Variants in BIK observed in about 807,000 individuals in gnomAD.
BIK encodes the protein bcl-2-interacting killer.
In BIK, 14 loss-of-function variants were observed where a neutral mutation model predicts 12.1. The ratio of observed to expected loss-of-function variants is 1.16; its 90% CI spans 0.77 to 1.81. The LOEUF is 1.81. BIK is among the 40% of genes most tolerant of loss of function. The pLI is 0.00. For synonymous variants in BIK, 86 were observed against 92.3 expected (o/e 0.93, Z 0.39); for missense variants, 215 against 207.9 (o/e 1.03, Z -0.21).
intron 3 of BIK, 28 bp downstream of exon 3, chr22:43,127,823 C>T (rs1054247156): frequency 1.8e-5 from 28 of 1,535,044 alleles, no homozygotes; most frequent in Non-Finnish European, 2.4e-5. Context: ...TATGCCTCTA[C>T]ACCTGGGGAG....
rs376475431 is a variant in BIK at position 43,123,608 on chromosome 22, GCCAGGCATAGCTCATGCCTGTAGTC to G, written c.-7-403_-7-379del. Among the ~76,000 whole-genome samples, 147 of 152,182 alleles carry G rather than the reference GCCAGGCATAGCTCATGCCTGTAGTC, an allele frequency of 9.7e-4. No individual in the cohort carries two copies. In the East Asian group the frequency reaches 0.025, roughly 26 times the overall value. ...CTTTACTAAAAATACAAAATAATTA[GCCAGGCATAGCTCATGCCTGTAGTC>G]CCAGCTACTCGGGAGGCTGAGGCAG... On this transcript the variant is annotated intron_variant, in intron 1 of 4. Transcript: ENST00000216115.
Position 43,121,252 on chromosome 22 carries a change from G to A in BIK, c.-7-2764G>A, listed in dbSNP as rs72619543. ...AGATGGGGAAACTGAGGCTGGTGCAGGAAGGGTTGGGCTAGGGTATCAACC... is the reference window on the plus strand; with the variant it reads ...AGATGGGGAAACTGAGGCTGGTGCAAGAAGGGTTGGGCTAGGGTATCAACC... On this transcript the variant is annotated intron_variant, in intron 1 of 4. Transcript: ENST00000216115. Among the ~76,000 whole-genome samples the A allele has an allele frequency of 6.6e-5, 10 of 152,284 alleles. 1 individual carries two copies. In the East Asian group the frequency reaches 1.9e-3, roughly 29 times the overall value.
intron 1 of BIK, among the ~76,000 whole-genome samples, chr22:43,121,666 A>AC (rs1930222552): frequency 6.6e-6 from 1 of 152,148 alleles, no homozygotes; most frequent in South Asian, 2.1e-4. Flanking sequence ...GGAAAAGCAA[A>AC]CAAGGGCTGG....
intron 3 of BIK, 131 bp downstream of exon 3, chr22:43,127,926 A>C: frequency 1.1e-6 from 1 of 887,210 alleles, no homozygotes. Flanking sequence ...CTGGGGCTAT[A>C]CTGAAACCCT....
chr22:43,112,822 CT>C (rs1930037334), intron 1 of BIK, among the ~76,000 whole-genome samples: 1 of 152,080 alleles, frequency 6.6e-6, no homozygotes, highest in Non-Finnish European at 1.5e-5. Flanking sequence ...AGAGGCCTAC[CT>C]GAGCTTGGAG....
intron 1 of BIK, 70 bp downstream of exon 1, chr22:43,110,873 C>A (rs1348978398): frequency 6.6e-6 from 1 of 152,158 alleles, no homozygotes; most frequent in Non-Finnish European, 1.5e-5. Flanking sequence ...GCGCCCAGGC[C>A]GCGGCCCGGG....
intron 1 of BIK, among the ~76,000 whole-genome samples, chr22:43,114,801 TGA>T (rs1930079702): frequency 6.6e-6 from 1 of 152,242 alleles, no homozygotes; most frequent in African/African-American, 2.4e-5. Flanking sequence ...GCTCACAGAA[TGA>T]GAGCTGCCTC....
rs765756166 is a variant in BIK, at chr22:43,127,802, G to A, written c.260+7G>A. 18 of 1,548,048 alleles carry A rather than the reference G, an allele frequency of 1.2e-5. No individual in the cohort carries two copies. Among genetic ancestry groups the A allele is most frequent in the Admixed American group, 7.9e-5 (4 of 50,928 alleles). ...CCGAGGTGGCCATGCACAGGTAGCCGGCCTATGCCCTATGCCTCTACACCT... is the reference window on the plus strand; with the variant it reads ...CCGAGGTGGCCATGCACAGGTAGCCAGCCTATGCCCTATGCCTCTACACCT... On this transcript the variant is annotated splice_region_variant and intron_variant, in intron 3 of 4. Transcript: ENST00000216115.
At chr22:43,123,142 T>C (rs1464248904) in intron 1 of BIK, among the ~76,000 whole-genome samples, 1 of 152,204 alleles carries the variant, frequency 6.6e-6, no homozygotes, top group East Asian at 1.9e-4. Context: ...TGATCCCATT[T>C]GTGAAGAAGG....
intron 1 of BIK, among the ~76,000 whole-genome samples, chr22:43,120,291 G>C (rs915656328): frequency 2.6e-5 from 4 of 152,230 alleles, no homozygotes; most frequent in African/African-American, 9.6e-5. Flanking sequence ...GGATTCAAGT[G>C]ATTCTCCTGC....
chr22:43,117,069 TG>T (rs1930129335), intron 1 of BIK, among the ~76,000 whole-genome samples: 1 of 152,154 alleles, frequency 6.6e-6, no homozygotes, highest in South Asian at 2.1e-4. Flanking sequence ...AAGCCGCAGG[TG>T]GGGGTGCCGT....
intron 1 of BIK, among the ~76,000 whole-genome samples, chr22:43,114,904 A>C (rs914086211): frequency 6.6e-5 from 10 of 152,160 alleles, no homozygotes; most frequent in Admixed American, 6.5e-4. Context: ...CCTGCCCTTT[A>C]ACAGAAGGTG....
chr22:43,126,790 G>C (rs1482248569), intron 2 of BIK, among the ~76,000 whole-genome samples: 1 of 152,168 alleles, frequency 6.6e-6, no homozygotes, highest in Non-Finnish European at 1.5e-5. Context: ...AGGACATGAA[G>C]CCTGGGGCAG....
intron 1 of BIK, among the ~76,000 whole-genome samples, chr22:43,122,768 G>A (rs1224626450): frequency 6.6e-6 from 1 of 152,152 alleles, no homozygotes; most frequent in African/African-American, 2.4e-5. Context: ...CACAGTTGGA[G>A]GAGACAGCTC....
chr22:43,120,257 G>A (rs1293315060), intron 1 of BIK, among the ~76,000 whole-genome samples: 1 of 152,196 alleles, frequency 6.6e-6, no homozygotes, highest in African/African-American at 2.4e-5. Flanking sequence ...GCGCGGTCTC[G>A]GCTCACTGCA....
chr22:43,127,845 G>A (rs777237453), intron 3 of BIK, 50 bp downstream of exon 3: 23 of 1,496,960 alleles, frequency 1.5e-5, no homozygotes, highest in African/African-American at 9.7e-5. Flanking sequence ...GGCCCTGGGC[G>A]GTGGGTGGAG....
Position 43,128,595 on chromosome 22 carries a change from GT to G in BIK, c.362del (p.Phe121SerfsTer79), listed in dbSNP as rs1389653035. ...CCACACTTAAGGAGAACATAATGAG[GT>G]TCTGGAGATCCCCGAACCCCGGGTC... ...FTTLKENIMR[F>X]WRSPNPGSWV... is the part of the protein sequence containing the mutation. On this transcript the variant is annotated frameshift_variant, in exon 4 of 5. Coordinates refer to ENST00000216115, the MANE Select transcript of BIK (RefSeq NM_001197.5). LOFTEE classifies it low-confidence loss of function (END_TRUNC). 6.2e-7 allele frequency: 1 copy of G among 1,613,126 alleles called. No homozygotes were observed. The highest frequency in any genetic ancestry group is 2.2e-5 in the East Asian group (1 of 44,838).
intron 3 of BIK, 48 bp downstream of exon 3, chr22:43,127,843 G>A (rs1364489499): frequency 6.6e-7 from 1 of 1,514,380 alleles, no homozygotes; most frequent in Non-Finnish European, 8.9e-7. Flanking sequence ...GGGGCCCTGG[G>A]CGGTGGGTGG....
chr22:43,115,334 T>C (rs1017204167), intron 1 of BIK, among the ~76,000 whole-genome samples: 9 of 152,116 alleles, frequency 5.9e-5, no homozygotes, highest in African/African-American at 1.9e-4. Context: ...GTGAAAGGGC[T>C]GGGTGCAAGT....
Sources: allele counts gnomAD v4.1 joint callset (sites outside exome capture counted in the v4.1 genomes callset), GRCh38; gene constraint gnomAD v4.1.1; transcripts MANE v1.5; gene names NCBI Gene and HGNC (gene_info 2026-07-23, HGNC 2026-07-21).